COL5A2: variants seen among roughly 807,000 people sequenced by gnomAD.
COL5A2 encodes collagen type V alpha 2 chain, also known as collagen alpha-2(V) chain.
Under a neutral mutation model 208.2 loss-of-function variants are expected in COL5A2, and 23 were observed. That is an observed-to-expected ratio of 0.11 (90% confidence interval 0.08 to 0.16). COL5A2 has a LOEUF of 0.16. Among genes scored for constraint, COL5A2 ranks in the 10% least tolerant of loss-of-function variants. The pLI is 1.00. For synonymous variants in COL5A2, 625 were observed against 628.5 expected, an observed-to-expected ratio of 0.99 and a Z score of 0.08; for missense variants, 1,590 against 1,956.4, an observed-to-expected ratio of 0.81 and a Z score of 3.53.
At chr2:189,205,113 A>C (rs545317379) in intron 1 of COL5A2, among the ~76,000 whole-genome samples, 10 of 152,332 alleles carry the variant, frequency 6.6e-5, no homozygotes, top group African/African-American at 2.2e-4. Flanking sequence ...TGAGTCATTT[A>C]TAAAGAAGCA....
chr2:189,392,249 T>C, the COL5A2 span, among the ~76,000 whole-genome samples: 1 of 152,098 alleles, frequency 6.6e-6, no homozygotes, highest in Non-Finnish European at 1.5e-5. Flanking sequence ...ATCCCTAGAA[T>C]GAGTACCTTT....
chr2:189,064,965 C>A (rs370423199), intron 24 of COL5A2, 39 bp downstream of exon 24: 1 of 1,595,184 alleles, frequency 6.3e-7, no homozygotes, highest in South Asian at 1.1e-5. Flanking sequence ...TTCTGGAGCA[C>A]CCCCCACGTA....
intron 44 of COL5A2, among the ~76,000 whole-genome samples, chr2:189,048,695 G>T (rs1685721592): frequency 6.6e-6 from 1 of 151,842 alleles, no homozygotes; most frequent in Non-Finnish European, 1.5e-5. Context: ...CTATTTTATT[G>T]TGATTTTTTT....
intron 44 of COL5A2, among the ~76,000 whole-genome samples, chr2:189,048,528 G>A (rs1240681398): frequency 1.3e-5 from 2 of 152,064 alleles, no homozygotes; most frequent in African/African-American, 2.4e-5. Context: ...TTTTGAAATA[G>A]ATAACAATTA....
chr2:189,288,127 C>T, the COL5A2 span, among the ~76,000 whole-genome samples: 1 of 151,972 alleles, frequency 6.6e-6, no homozygotes, highest in African/African-American at 2.4e-5. Flanking sequence ...CAGTAAGTAT[C>T]TGAATACATG....
At chr2:189,319,291 CT>C in the COL5A2 span, among the ~76,000 whole-genome samples, 1 of 152,258 alleles carries the variant, frequency 6.6e-6, no homozygotes, top group Non-Finnish European at 1.5e-5. Flanking sequence ...CTGGGTTCAT[CT>C]CACTGGGGCT....
At chr2:189,190,210 G>C (rs1559141850) in intron 1 of COL5A2, among the ~76,000 whole-genome samples, 1 of 152,126 alleles carries the variant, frequency 6.6e-6, no homozygotes, top group Non-Finnish European at 1.5e-5. Context: ...GTATGTGAGT[G>C]ATATCATCTC....
At chr2:189,418,069 G>A in the COL5A2 span, among the ~76,000 whole-genome samples, 6 of 151,774 alleles carry the variant, frequency 4.0e-5, no homozygotes, top group Admixed American at 3.3e-4. Flanking sequence ...TGTACAAAAG[G>A]AAGAGTTATC....
intron 1 of COL5A2, among the ~76,000 whole-genome samples, chr2:189,206,019 T>C (rs1274685551): frequency 6.6e-6 from 1 of 152,140 alleles, no homozygotes; most frequent in African/African-American, 2.4e-5. Context: ...TGCGGTAAAC[T>C]TTTCGATGAT....
At chr2:189,212,299 T>C (rs1689223191) in intron 1 of COL5A2, among the ~76,000 whole-genome samples, 1 of 151,960 alleles carries the variant, frequency 6.6e-6, no homozygotes, top group South Asian at 2.1e-4. Flanking sequence ...AGCAAATGAA[T>C]GAAAAAGGCC....
At chr2:189,127,722 G>A (rs913285798) in intron 1 of COL5A2, among the ~76,000 whole-genome samples, 1 of 152,006 alleles carries the variant, frequency 6.6e-6, no homozygotes, top group African/African-American at 2.4e-5. Context: ...ATTTAGCACA[G>A]AGGTTCCCAG....
the COL5A2 span, among the ~76,000 whole-genome samples, chr2:189,430,803 C>A: frequency 6.6e-6 from 1 of 152,208 alleles, no homozygotes; most frequent in Non-Finnish European, 1.5e-5. Flanking sequence ...AATCTGGCAG[C>A]TCTGAAGAGA....
intron 44 of COL5A2, among the ~76,000 whole-genome samples, chr2:189,048,580 G>A (rs1247183968): frequency 1.3e-5 from 2 of 152,078 alleles, no homozygotes; most frequent in African/African-American, 4.8e-5. Flanking sequence ...AACAATGAAA[G>A]GCTTTTCTTA....
At chr2:189,046,815 GA>G (rs112684457) in intron 45 of COL5A2, among the ~76,000 whole-genome samples, 1,886 of 135,772 alleles carry the variant, frequency 0.014, 16 homozygotes, top group African/African-American at 0.035. Context: ...TCAAGGTTTT[GA>G]AAAAAAAAAA....
At chr2:189,199,965 T>C (rs1281937781) in intron 1 of COL5A2, among the ~76,000 whole-genome samples, 1 of 152,158 alleles carries the variant, frequency 6.6e-6, no homozygotes, top group Non-Finnish European at 1.5e-5. Context: ...CAGTAGGGGA[T>C]TGAAAGGCAG....
chr2:189,242,400 T>G, the COL5A2 span, among the ~76,000 whole-genome samples: 1 of 152,222 alleles, frequency 6.6e-6, no homozygotes. Flanking sequence ...TGCTCACAGC[T>G]AAATAGCTAG....
intron 17 of COL5A2, among the ~76,000 whole-genome samples, chr2:189,074,992 G>A (rs7421525): frequency 0.71 from 108,272 of 152,032 alleles, 39,539 homozygotes; most frequent in Non-Finnish European, 0.81. Flanking sequence ...ATTTAACATG[G>A]TAAGTATAAC....
intron 3 of COL5A2, among the ~76,000 whole-genome samples, chr2:189,100,931 G>C (rs1241404784): frequency 1.3e-5 from 2 of 151,970 alleles, no homozygotes; most frequent in African/African-American, 4.8e-5. Flanking sequence ...CAGGTACATA[G>C]ATTAAATAAT....
intron 1 of COL5A2, among the ~76,000 whole-genome samples, chr2:189,132,723 C>G (rs1458882900): frequency 1.3e-5 from 2 of 151,994 alleles, no homozygotes; most frequent in Non-Finnish European, 2.9e-5. Flanking sequence ...GAGTTTGAGA[C>G]CAGCCTGGCC....
Sources: gnomAD v4.1 joint callset for allele counts (sites outside exome capture counted in the v4.1 genomes callset) on GRCh38, gnomAD v4.1.1 for gene constraint, MANE v1.5 for transcripts, NCBI Gene and HGNC (gene_info 2026-07-23, HGNC 2026-07-21) for gene names.